The following PIK3C3 variants were observed in gnomAD, a reference collection of about 807,000 sequenced individuals.
The protein encoded by PIK3C3 is PI3-kinase type 3.
A neutral mutation model predicts 126.1 loss-of-function variants in PIK3C3; 95 were observed. The ratio of observed to expected loss-of-function variants is 0.75; its 90% confidence interval spans 0.64 to 0.89. PIK3C3 has a LOEUF of 0.89. PIK3C3 is among the 40% of genes least tolerant of loss of function. PIK3C3 has a pLI of 0.00. For synonymous variants in PIK3C3, 374 were observed against 360.0 expected (o/e 1.04, Z -0.44); for missense variants, 829 against 1,063.2 (o/e 0.78, Z 3.06).
At chr18:41,977,331 T>C (rs1052956810) in intron 4 of PIK3C3, among the ~76,000 whole-genome samples, 3 of 152,108 alleles carry the variant, frequency 2.0e-5, no homozygotes, top group African/African-American at 7.2e-5. Flanking sequence ...GAAACATTAC[T>C]GAAAAAGGTG....
At chr18:42,004,807 G>A (rs563734724) in intron 10 of PIK3C3, among the ~76,000 whole-genome samples, 5 of 152,324 alleles carry the variant, frequency 3.3e-5, no homozygotes, top group East Asian at 3.9e-4. Context: ...CCTGGCAGCA[G>A]AGCTTGTATT....
chr18:42,013,239 GGTT>G (rs1200312803), intron 10 of PIK3C3, among the ~76,000 whole-genome samples, 200 bp from the exon 11 acceptor site: 1 of 151,292 alleles, frequency 6.6e-6, no homozygotes, highest in African/African-American at 2.4e-5. Context: ...TCTTCTCTAA[GGTT>G]TATATTATGA....
At chr18:41,958,524 G>A (rs1979909045) in intron 2 of PIK3C3, among the ~76,000 whole-genome samples, 1 of 152,132 alleles carries the variant, frequency 6.6e-6, no homozygotes, top group African/African-American at 2.4e-5. Context: ...TGTCCCAGGT[G>A]TCACCCAGTG....
intron 4 of PIK3C3, among the ~76,000 whole-genome samples, chr18:41,978,820 T>G (rs2144328825): frequency 6.6e-6 from 1 of 152,192 alleles, no homozygotes; most frequent in South Asian, 2.1e-4. Context: ...AAGTTAACTG[T>G]CAGGGTTTTA....
intron 21 of PIK3C3, among the ~76,000 whole-genome samples, chr18:42,057,126 A>G (rs72893463): frequency 2.1e-5 from 3 of 142,200 alleles, no homozygotes; most frequent in African/African-American, 5.2e-5. Context: ...AATTGTGCCT[A>G]CTCTTACATA....
intron 3 of PIK3C3, among the ~76,000 whole-genome samples, 173 bp downstream of exon 3, chr18:41,962,805 A>G (rs1980164051): frequency 6.6e-6 from 1 of 152,230 alleles, no homozygotes; most frequent in African/African-American, 2.4e-5. Context: ...CCTACAGGAT[A>G]TACAGATAGA....
chr18:41,961,513 C>T (rs1002419893), intron 2 of PIK3C3, among the ~76,000 whole-genome samples: 7 of 151,530 alleles, frequency 4.6e-5, no homozygotes, highest in Non-Finnish European at 8.8e-5. Flanking sequence ...ATTTATATGG[C>T]GTATATAAAT....
intron 24 of PIK3C3, among the ~76,000 whole-genome samples, chr18:42,078,509 C>G (rs1986120443): frequency 6.6e-6 from 1 of 151,906 alleles, no homozygotes; most frequent in African/African-American, 2.4e-5. Context: ...TCTTAGGGGC[C>G]CTAGGATTTT....
intron 3 of PIK3C3, among the ~76,000 whole-genome samples, chr18:41,969,750 G>A (rs77937670): frequency 6.6e-6 from 1 of 152,144 alleles, no homozygotes; most frequent in African/African-American, 2.4e-5. Context: ...TACTTGTATT[G>A]ATTTATTTAA....
chr18:42,059,584 A>G (rs539063023), intron 22 of PIK3C3, among the ~76,000 whole-genome samples: 1 of 152,230 alleles, frequency 6.6e-6, no homozygotes, highest in Non-Finnish European at 1.5e-5. Context: ...GTGGATTAGT[A>G]GCAATTCAAT....
chr18:42,036,725 T>C (rs1984070543), intron 16 of PIK3C3, among the ~76,000 whole-genome samples: 1 of 152,084 alleles, frequency 6.6e-6, no homozygotes, highest in Non-Finnish European at 1.5e-5. Flanking sequence ...ATAATATTAT[T>C]CCAGAATAAA....
At chr18:42,076,649 C>T (rs1986045653) in intron 24 of PIK3C3, among the ~76,000 whole-genome samples, 1 of 152,116 alleles carries the variant, frequency 6.6e-6, no homozygotes, top group Non-Finnish European at 1.5e-5. Context: ...ATGTTTGCAG[C>T]TTGTAAGATT....
At chr18:42,002,116 T>TCAATTTTACTAC (rs1399389061) in intron 9 of PIK3C3, among the ~76,000 whole-genome samples, 10 of 152,136 alleles carry the variant, frequency 6.6e-5, no homozygotes, top group African/African-American at 2.4e-4. Context: ...AGTAGTAAAA[T>TCAATTTTACTAC]TGAGCCAGCT....
At chr18:42,022,159 C>CT (rs1235801583) in intron 13 of PIK3C3, among the ~76,000 whole-genome samples, 4 of 151,998 alleles carry the variant, frequency 2.6e-5, no homozygotes. Flanking sequence ...TTTTATTGTA[C>CT]TTTAAGTTTT....
intron 24 of PIK3C3, among the ~76,000 whole-genome samples, chr18:42,076,145 C>CACATATATATAT (rs1232530841): frequency 0.032 from 848 of 26,168 alleles, 24 homozygotes; most frequent in African/African-American, 0.071. Flanking sequence ...TATATATATG[C>CACATATATATAT]GCATATATAT....
At chr18:41,961,319 G>T (rs1980074098) in intron 2 of PIK3C3, among the ~76,000 whole-genome samples, 1 of 152,160 alleles carries the variant, frequency 6.6e-6, no homozygotes, top group South Asian at 2.1e-4. Context: ...GCAAAAGTTG[G>T]CACTGCTTAG....
Position 42,027,504 on chromosome 18 carries a change from A to T in PIK3C3, c.1546A>T (p.Met516Leu). 1 of 1,612,316 alleles carries T rather than the reference A, an allele frequency of 6.2e-7. No individual in the cohort carries two copies. Among genetic ancestry groups the T allele is most frequent in the Non-Finnish European group, 8.5e-7 (1 of 1,178,588 alleles). ...GCAGAGAGATCCAAAGACCCATGAG[A>T]TGTACTTGAACGTAATGAGAAGATT... is the stretch of plus-strand genomic sequence containing the variant. ...TQQRDPKTHEMYLNVMRRFSQ... is the reference protein window; with the variant it reads ...TQQRDPKTHELYLNVMRRFSQ... Residue 516 changes from methionine to leucine, a missense_variant, in exon 14 of 25, where the codon ATG becomes TTG. Physicochemically the swap from Met to Leu is conservative, Grantham distance 15. Transcript: ENST00000262039.
At position 41,993,014 on chromosome 18, in the gene PIK3C3, A is replaced by AATT. The variant is rs1303240125; in HGVS notation, c.715-255_715-253dup. Among the ~76,000 whole-genome samples, 3 of 152,132 alleles carry AATT rather than the reference A, an allele frequency of 2.0e-5. No homozygotes were observed. In the East Asian group the frequency reaches 5.8e-4, roughly 29 times the overall value. On this transcript the variant is annotated intron_variant, in intron 6 of 24. Transcript: ENST00000262039. ...AAAAAGGAACAACTCGAAACAATCT[A>AATT]ATTTCCAGACCTCATACCTCTAAAA...
In PIK3C3 at chr18:42,087,717, G is replaced by T. The variant is rs553961218; in HGVS notation, c.*6580G>T. Reference sequence around the variant, plus strand: ...GAAATAATGATGTATCTATAAATGAGCCTTTGCAAGATTACCATTTATCAA... The same window carrying T: ...GAAATAATGATGTATCTATAAATGATCCTTTGCAAGATTACCATTTATCAA... On this transcript the variant is annotated 3_prime_UTR_variant, in exon 25 of 25. Transcript: ENST00000262039. 1.7e-4 allele frequency: 26 copies of T among 152,214 alleles called. 1 individual carries two copies. The highest frequency in any genetic ancestry group is 3.4e-4 in the Non-Finnish European group (23 of 68,018). The allele number at this position is 152,214 out of a possible 1,614,324, so 9.4% of individuals were successfully genotyped here.
Sources: gnomAD v4.1 joint callset for allele counts (sites outside exome capture counted in the v4.1 genomes callset) on GRCh38, gnomAD v4.1.1 for gene constraint, MANE v1.5 for transcripts, NCBI Gene and HGNC (gene_info 2026-07-23, HGNC 2026-07-21) for gene names.